CADPS: variants seen among roughly 807,000 people sequenced by gnomAD.
The protein encoded by CADPS is calcium dependent secretion activator.
Under a neutral mutation model 167.3 loss-of-function variants are expected in CADPS, and 57 were observed. That is an observed-to-expected ratio of 0.34 (90% CI 0.28 to 0.42). The LOEUF is 0.42. CADPS is among the 20% of genes least tolerant of loss of function. CADPS has a pLI of 1.00. For synonymous variants in CADPS, 676 were observed against 635.3 expected (o/e 1.06, Z -0.96); for missense variants, 1,414 against 1,738.1 (o/e 0.81, Z 3.32).
intron 7 of CADPS, among the ~76,000 whole-genome samples, chr3:62,589,374 A>T (rs2085412544): frequency 6.6e-6 from 1 of 152,240 alleles, no homozygotes; most frequent in African/African-American, 2.4e-5. Context: ...GGAGGGGTAA[A>T]CTAGCATCTG....
intron 28 of CADPS, among the ~76,000 whole-genome samples, chr3:62,429,249 CT>C (rs1429175907): frequency 6.6e-6 from 1 of 152,140 alleles, no homozygotes; most frequent in Non-Finnish European, 1.5e-5. Context: ...TTTATGTGCA[CT>C]TGAATCAAAG....
At chr3:62,498,975 C>A (rs928991178) in intron 18 of CADPS, among the ~76,000 whole-genome samples, 187 bp downstream of exon 18, 1 of 152,184 alleles carries the variant, frequency 6.6e-6, no homozygotes, top group East Asian at 1.9e-4. Context: ...CAACATGCAA[C>A]CACTTTTTGG....
chr3:62,499,148 C>A lies in CADPS; in HGVS notation c.2706+14G>T. The A allele has an allele frequency of 6.4e-7, 1 of 1,564,736 alleles. No homozygotes were observed. On this transcript the variant is annotated intron_variant, in intron 18 of 29. Coordinates refer to ENST00000383710, the MANE Select transcript of CADPS (RefSeq NM_003716.4). ...AAGGGACAGTAAGATACACTTCCCA[C>A]CAAGCCTGCTCACCTCTGCGTGGTG...
intron 5 of CADPS, among the ~76,000 whole-genome samples, chr3:62,649,334 C>T (rs1018094236): frequency 1.3e-5 from 2 of 152,026 alleles, no homozygotes; most frequent in Non-Finnish European, 2.9e-5. Context: ...ATAATAAACC[C>T]ATTTTAGATG....
At chr3:62,581,862 T>G (rs1157842869) in intron 8 of CADPS, among the ~76,000 whole-genome samples, 1 of 152,174 alleles carries the variant, frequency 6.6e-6, no homozygotes, top group Non-Finnish European at 1.5e-5. Flanking sequence ...ATGCACTTCC[T>G]GAACTTGAAA....
intron 3 of CADPS, among the ~76,000 whole-genome samples, chr3:62,670,390 A>T (rs893414904): frequency 2.5e-4 from 38 of 152,150 alleles, no homozygotes; most frequent in Non-Finnish European, 5.9e-5. Context: ...ATCCAAGGAG[A>T]TGATACTACC....
At position 62,447,355 on chromosome 3, in the gene CADPS, G is replaced by A. The variant is rs187820916; in HGVS notation, c.3637-1558C>T. On this transcript the variant is annotated intron_variant, in intron 26 of 29. Transcript: ENST00000383710. ...ATTCTATCTTCTTGAATCATTGCCA[G>A]CCCCCAAGACGATTCCTGGAGTCTC... 1.3e-3 allele frequency among the ~76,000 whole-genome samples: 205 copies of A among 152,304 alleles called. 1 individual carries two copies. Among genetic ancestry groups the A allele is most frequent in the African/African-American group, 3.9e-3 (163 of 41,562 alleles).
At chr3:62,561,015 G>T (rs1334496768) in intron 9 of CADPS, among the ~76,000 whole-genome samples, 1 of 139,104 alleles carries the variant, frequency 7.2e-6, no homozygotes, top group African/African-American at 2.7e-5. Context: ...GAAGGCAGAG[G>T]TTGCAGTGAG....
chr3:62,491,361 G>A lies in CADPS; in HGVS notation c.3004C>T (p.Arg1002Trp), dbSNP rs1232952891. 3.7e-6 allele frequency: 6 copies of A among 1,613,760 alleles called. No homozygotes were observed. The highest frequency in any genetic ancestry group is 2.2e-5 in the East Asian group (1 of 44,888). The change falls in exon 21 of 30, where the codon CGG becomes TGG. Residue 1002 changes from arginine (R) to tryptophan (W), a missense_variant. By Grantham distance (101) the Arg-to-Trp change is moderately radical. Transcript: ENST00000383710. ...IAQSIHRGFE[R>W]ESWEPVKSLT... is the part of the protein sequence containing the mutation. ...TACTTGACTGGTTCCCATGACTCCC[G>A]CTCAAAGCCCCTGTGAATGGATTGT... is the stretch of plus-strand genomic sequence containing the variant.
chr3:62,782,588 C>T (rs1456454068), intron 1 of CADPS, among the ~76,000 whole-genome samples: 1 of 151,930 alleles, frequency 6.6e-6, no homozygotes, highest in Non-Finnish European at 1.5e-5. Context: ...TCAGATTTGG[C>T]CATGAATGAT....
intron 1 of CADPS, among the ~76,000 whole-genome samples, chr3:62,839,616 G>A (rs1577130479): frequency 6.6e-6 from 1 of 152,168 alleles, no homozygotes; most frequent in Admixed American, 6.5e-5. Flanking sequence ...CTCACCTGTA[G>A]GGTTTACGTA....
intron 24 of CADPS, among the ~76,000 whole-genome samples, chr3:62,471,747 A>G (rs989046594): frequency 6.6e-5 from 10 of 152,154 alleles, no homozygotes; most frequent in Non-Finnish European, 1.5e-4. Context: ...TGTACATCTC[A>G]AGAAGATTTA....
chr3:62,644,125 G>A (rs1157239844), intron 6 of CADPS, among the ~76,000 whole-genome samples: 1 of 152,190 alleles, frequency 6.6e-6, no homozygotes, highest in African/African-American at 2.4e-5. Flanking sequence ...CTCTAGTCCA[G>A]GAAACATTCC....
intron 28 of CADPS, among the ~76,000 whole-genome samples, chr3:62,436,016 G>T (rs1274299108): frequency 6.6e-6 from 1 of 151,872 alleles, no homozygotes; most frequent in Non-Finnish European, 1.5e-5. Flanking sequence ...TTTGCCTGTG[G>T]TCTTCAACAG....
At chr3:62,839,799 A>C (rs1301274716) in intron 1 of CADPS, among the ~76,000 whole-genome samples, 2 of 152,198 alleles carry the variant, frequency 1.3e-5, no homozygotes. Flanking sequence ...TCCAAGAAGG[A>C]AGGCAGATGC....
intron 11 of CADPS, among the ~76,000 whole-genome samples, chr3:62,537,214 T>C (rs62243498): frequency 0.035 from 5,296 of 152,302 alleles, 115 homozygotes; most frequent in Non-Finnish European, 0.048. Context: ...CATTTCCTTA[T>C]AGTGTGCTTA....
At chr3:62,466,299 G>C (rs1212224720) in intron 25 of CADPS, 40 bp downstream of exon 25, 3 of 1,331,272 alleles carry the variant, frequency 2.3e-6, no homozygotes. Context: ...TAACAAAGCA[G>C]TGTTCACAAT....
intron 1 of CADPS, among the ~76,000 whole-genome samples, chr3:62,775,435 T>A (rs938503208): frequency 2.0e-5 from 3 of 152,172 alleles, no homozygotes; most frequent in Non-Finnish European, 2.9e-5. Context: ...TTCCAAATGT[T>A]CACACATTTC....
chr3:62,655,304 T>C (rs926431529), intron 4 of CADPS, among the ~76,000 whole-genome samples: 7 of 152,100 alleles, frequency 4.6e-5, no homozygotes, highest in African/African-American at 1.7e-4. Flanking sequence ...ATAAGGAAAA[T>C]GCAGTCGTCC....
Sources: allele counts gnomAD v4.1 joint callset (sites outside exome capture counted in the v4.1 genomes callset), GRCh38; gene constraint gnomAD v4.1.1; transcripts MANE v1.5; gene names NCBI Gene and HGNC (gene_info 2026-07-23, HGNC 2026-07-21).